IRF4: variants seen among roughly 807,000 people sequenced by gnomAD.
IRF4 encodes the protein interferon regulatory factor 4.
IRF4 carries 13 observed loss-of-function variants against 55.5 expected under a neutral mutation model. That is an observed-to-expected ratio of 0.23 (90% CI 0.15 to 0.37). The LOEUF (loss-of-function observed/expected upper bound fraction) is 0.37, where lower values mean the gene tolerates loss of function less well. Among genes scored for constraint, IRF4 ranks in the 10% least tolerant of loss-of-function variants. The pLI is 1.00. For missense variants in IRF4, 397 were observed against 593.8 expected (o/e 0.67, Z 3.44); for synonymous variants, 249 against 240.7 (o/e 1.03, Z -0.32).
intron 7 of IRF4, among the ~76,000 whole-genome samples, chr6:404,541 G>C (rs575749179): frequency 6.6e-5 from 10 of 152,236 alleles, no homozygotes; most frequent in East Asian, 1.9e-4. Flanking sequence ...GTGGATGTCC[G>C]CAGTAGCACA....
chr6:404,569 G>T (rs1761494172), intron 7 of IRF4, among the ~76,000 whole-genome samples: 3 of 152,250 alleles, frequency 2.0e-5, no homozygotes, highest in African/African-American at 7.2e-5. Context: ...GATTATGTGG[G>T]CTCTGTAGTG....
intron 8 of IRF4, chr6:406,806 A>T (rs752304709): frequency 1.6e-6 from 2 of 1,213,818 alleles, no homozygotes; most frequent in South Asian, 2.9e-5. Context: ...TATAAAATAC[A>T]GTCTCTAATA....
chr6:395,754 T>C (rs1761234005), intron 3 of IRF4, 93 bp from the exon 4 acceptor site: 4 of 911,172 alleles, frequency 4.4e-6, no homozygotes, highest in East Asian at 2.6e-5. Context: ...ATTCTAAGAA[T>C]TAAATGCTCA....
At chr6:401,140 C>T (rs770625000) in intron 6 of IRF4, among the ~76,000 whole-genome samples, 17 of 152,146 alleles carry the variant, frequency 1.1e-4, no homozygotes, top group African/African-American at 2.9e-4. Context: ...AAAAAAGAGT[C>T]GGTGGCCACA....
Position 395,873 on chromosome 6 carries a change from C to T in IRF4, c.430C>T (p.Pro144Ser). The T allele has an allele frequency of 6.2e-7, 1 of 1,613,864 alleles. No individual in the cohort carries two copies. The highest frequency in any genetic ancestry group is 8.5e-7 in the Non-Finnish European group (1 of 1,179,874). ...KGAKQLTLED[P>S]QMSMSHPYTM... is the part of the protein sequence containing the mutation. ...AGCCAAGCAGCTCACCCTGGAGGAC[C>T]CGCAGATGTCCATGAGCCACCCCTA... Residue 144 changes from proline to serine, a missense_variant, in exon 4 of 9, where the codon CCG becomes TCG. Pro to Ser is a moderately conservative substitution (Grantham distance 74). This residue lies in a region of IRF4 where 341 missense variants were observed against 548.1 expected (regional missense o/e 0.62). Coordinates refer to ENST00000380956, the MANE Select transcript of IRF4 (RefSeq NM_002460.4).
rs903376068 is a variant in IRF4, at chr6:410,177, G to A, written c.*2579G>A. On this transcript the variant is annotated 3_prime_UTR_variant, in exon 9 of 9. Transcript: ENST00000380956. ...TAGTTTGTACTCAGTGGACAGTGCT[G>A]TTGAAGATTTGAGGACTTGTTAAAG... 2.6e-4 allele frequency: 59 copies of A among 229,514 alleles called. No individual in the cohort carries two copies. The highest frequency in any genetic ancestry group is 2.6e-3 in the Middle Eastern group (2 of 760). 14.2% of individuals were successfully genotyped at this position (229,514 alleles called of 1,614,324 possible).
chr6:401,364 G>A (rs968885711), intron 6 of IRF4, 60 bp from the exon 7 acceptor site: 35 of 1,312,070 alleles, frequency 2.7e-5, no homozygotes, highest in Middle Eastern at 5.2e-4. Flanking sequence ...CTGTGGAGTC[G>A]TTGGCCTCGA....
At chr6:405,900 A>T (rs3800262) in intron 8 of IRF4, among the ~76,000 whole-genome samples, 4 of 152,070 alleles carry the variant, frequency 2.6e-5, no homozygotes, top group African/African-American at 9.7e-5. Flanking sequence ...ACATTGCTAC[A>T]TACTTGCAAG....
chr6:407,758 C>T lies in IRF4; in HGVS notation c.*160C>T, dbSNP rs1004088365. 3.1e-6 allele frequency: 2 copies of T among 639,842 alleles called. No homozygotes were observed. Among genetic ancestry groups the T allele is most frequent in the East Asian group, 2.8e-5 (1 of 35,234 alleles). 39.6% of individuals were successfully genotyped at this position (639,842 alleles called of 1,614,324 possible). ...GGTTCAAGAGACTCTCCTGCCTCAG[C>T]CTCCCTGGTAGCTGGGATTACAGGT... On this transcript the variant is annotated 3_prime_UTR_variant, in exon 9 of 9. Coordinates refer to ENST00000380956, the MANE Select transcript of IRF4 (RefSeq NM_002460.4).
intron 5 of IRF4, 106 bp from the exon 6 acceptor site, chr6:398,722 G>A: frequency 1.4e-6 from 1 of 701,824 alleles, no homozygotes; most frequent in Non-Finnish European, 2.3e-6. Context: ...AAGGTGATTG[G>A]GCGCCAGCCC....
Position 393,843 on chromosome 6 carries a change from C to G in IRF4, c.216+475C>G, listed in dbSNP as rs1277930779. 1.3e-5 allele frequency among the ~76,000 whole-genome samples: 2 copies of G among 152,104 alleles called. No individual in the cohort carries two copies. The highest frequency in any genetic ancestry group is 1.3e-4 in the Admixed American group (2 of 15,272). On this transcript the variant is annotated intron_variant, in intron 2 of 8. Transcript: ENST00000380956. This position sits in a 1 kb window ranked among gnomAD's most constrained non-coding sequence, Gnocchi z 5.4. ...TCGCTGCTTTTCTCTCTGAGTCTCT[C>G]TCTCTCCATGTTTTTCCTGAGGTCA...
chr6:403,412 G>A (rs1202017662), intron 7 of IRF4, among the ~76,000 whole-genome samples: 4 of 152,246 alleles, frequency 2.6e-5, no homozygotes, highest in African/African-American at 9.6e-5. Flanking sequence ...ACAAGGTGAG[G>A]GCTTTCTAAT....
At chr6:396,913 C>T in intron 4 of IRF4, among the ~76,000 whole-genome samples, 195 bp from the exon 5 acceptor site, 2 of 114,684 alleles carry the variant, frequency 1.7e-5, no homozygotes. Flanking sequence ...CGTCTCAATG[C>T]CAGTGCTTCC....
Position 393,868 on chromosome 6 carries a change from A to G in IRF4, c.216+500A>G, listed in dbSNP as rs2666957. On this transcript the variant is annotated intron_variant, in intron 2 of 8. Transcript: ENST00000380956. The surrounding 1 kb of genome is among the most constrained non-coding windows in gnomAD (Gnocchi z 5.4). Reference sequence around the variant, plus strand: ...CTCTCTCCATGTTTTTCCTGAGGTCAGCCTCTCTTCTCGCTCCTGCTAGCT... The same window carrying G: ...CTCTCTCCATGTTTTTCCTGAGGTCGGCCTCTCTTCTCGCTCCTGCTAGCT... Among the ~76,000 whole-genome samples the G allele has an allele frequency of 0.073, 11,166 of 151,976 alleles. 520 individuals are homozygous for G. The highest frequency in any genetic ancestry group is 0.2 in the South Asian group (970 of 4,800).
In IRF4 at chr6:407,739, A is replaced by T; in HGVS notation, c.*141A>T. 2 of 749,990 alleles carry T rather than the reference A, an allele frequency of 2.7e-6. No homozygotes were observed. 46.5% of individuals were successfully genotyped at this position (749,990 alleles called of 1,614,324 possible). A position where few individuals can be genotyped will look rare whatever the true frequency, so the allele number is the denominator to read the frequency against. ...CTGTGACCTCCGCCTCCTGGGTTCA[A>T]GAGACTCTCCTGCCTCAGCCTCCCT... is the stretch of plus-strand genomic sequence containing the variant. On this transcript the variant is annotated 3_prime_UTR_variant, in exon 9 of 9. Transcript: ENST00000380956.
chr6:407,210 C>T (rs1040090691), intron 8 of IRF4, among the ~76,000 whole-genome samples: 1 of 152,150 alleles, frequency 6.6e-6, no homozygotes, highest in South Asian at 2.1e-4. Flanking sequence ...AAGTGGCAGT[C>T]GATTTGAAAG....
intron 8 of IRF4, chr6:406,942 G>A: frequency 9.9e-7 from 1 of 1,012,138 alleles, no homozygotes; most frequent in South Asian, 3.6e-5. Flanking sequence ...ATAAATTTGA[G>A]GCCAGTTAGC....
At position 407,553 on chromosome 6, in the gene IRF4, A is replaced by G. The variant is rs116380706; in HGVS notation, c.1311A>G (p.Pro437=). 357 of 1,613,268 alleles carry G rather than the reference A, an allele frequency of 2.2e-4. No individual in the cohort carries two copies. The highest frequency in any genetic ancestry group is 2.9e-4 in the Non-Finnish European group (342 of 1,179,682). The stretch of plus-strand genomic sequence containing the variant: ...ATTTACCAGAACACATCAGCAATCC[A>G]GAAGATTACCACAGATCTATCCGCC... The part of the protein sequence containing the change: ...GYDLPEHISN[P]EDYHRSIRHS... The change falls in exon 9 of 9, where the codon CCA becomes CCG. Residue 437 remains proline, a synonymous_variant. Transcript: ENST00000380956.
In IRF4 at chr6:397,268, G is replaced by A; in HGVS notation, c.637+16G>A. 6.2e-7 allele frequency: 1 copy of A among 1,614,004 alleles called. No homozygotes were observed. Among genetic ancestry groups the A allele is most frequent in the Non-Finnish European group, 8.5e-7 (1 of 1,179,916 alleles). ...TGTGAAAATGGTAAGGAGGATACCA[G>A]TGCAGGAAATAGAAGAGCTAATTGC... On this transcript the variant is annotated intron_variant, in intron 5 of 8. Coordinates refer to ENST00000380956, the MANE Select transcript of IRF4 (RefSeq NM_002460.4).
Sources: gnomAD v4.1 joint callset for allele counts (sites outside exome capture counted in the v4.1 genomes callset) on GRCh38, gnomAD v4.1.1 for gene constraint, gnomAD v4.1.1 regional missense constraint, Gnocchi (gnomAD v3.1) non-coding constraint, MANE v1.5 for transcripts, NCBI Gene and HGNC (gene_info 2026-07-23, HGNC 2026-07-21) for gene names.